SLC26A11: variants seen among roughly 807,000 people sequenced by gnomAD.
SLC26A11 encodes the protein solute carrier family 26 member 11, also known as sodium-independent sulfate anion transporter.
A neutral mutation model predicts 62.2 loss-of-function variants in SLC26A11; 58 were observed. The observed-to-expected ratio is 0.93, with a 90% confidence interval of 0.76 to 1.16. The LOEUF (loss-of-function observed/expected upper bound fraction) is 1.16, where lower values mean the gene tolerates loss of function less well. SLC26A11 is among the 50% of genes most tolerant of loss of function. The pLI is 0.00. For synonymous variants in SLC26A11, 411 were observed against 368.9 expected, an observed-to-expected ratio of 1.11 and a Z score of -1.31; for missense variants, 790 against 794.3, an observed-to-expected ratio of 0.99 and a Z score of 0.06.
intron 10 of SLC26A11, 40 bp downstream of exon 10, chr17:80,241,861 G>A: frequency 1.2e-6 from 2 of 1,610,690 alleles, no homozygotes. Context: ...CCAGCTGTGG[G>A]CCTCCAGGGT....
chr17:80,224,372 TGCGC>T (rs536804384), intron 5 of SLC26A11, among the ~76,000 whole-genome samples: 9 of 129,456 alleles, frequency 7.0e-5, no homozygotes, highest in African/African-American at 1.2e-4. Flanking sequence ...GGAGTGTGAG[TGCGC>T]GCGCGCGTGT....
intron 7 of SLC26A11, among the ~76,000 whole-genome samples, chr17:80,229,413 G>A (rs2042499570): frequency 6.6e-6 from 1 of 150,892 alleles, no homozygotes; most frequent in Admixed American, 6.6e-5. Flanking sequence ...AAAATGCTTT[G>A]TTATCTTTGT....
At position 80,227,869 on chromosome 17, in the gene SLC26A11, G is replaced by A. The variant is rs1455369378; in HGVS notation, c.645G>A (p.Leu215=). 1 of 1,603,010 alleles carries A rather than the reference G, an allele frequency of 6.2e-7. No homozygotes were observed. The highest frequency in any genetic ancestry group is 8.5e-7 in the Non-Finnish European group (1 of 1,179,850). ...TCTGCATGCTGCTGCTGCTGGTGCT[G>A]AAGCTGATGCGGGACCACGTGCCTC... The part of the protein sequence containing the change: ...GLVCMLLLLV[L]KLMRDHVPPV... Residue 215 remains leucine, a synonymous_variant, in exon 7 of 18, where the codon CTG becomes CTA. Transcript: ENST00000361193.
At chr17:80,229,851 G>A (rs1332803078) in intron 7 of SLC26A11, among the ~76,000 whole-genome samples, 2 of 152,184 alleles carry the variant, frequency 1.3e-5, no homozygotes, top group Admixed American at 6.5e-5. Flanking sequence ...CCAGATCTCC[G>A]AATCAGGATC....
chr17:80,246,945 G>A lies in SLC26A11; in HGVS notation c.1294+296G>A, dbSNP rs116545221. Among the ~76,000 whole-genome samples the A allele has an allele frequency of 0.031, 4,692 of 151,714 alleles. 276 individuals carry two copies. The highest frequency in any genetic ancestry group is 0.11 in the African/African-American group (4,451 of 41,324). On this transcript the variant is annotated intron_variant, in intron 13 of 17. Coordinates refer to ENST00000361193, the MANE Select transcript of SLC26A11 (RefSeq NM_001166347.2). The surrounding 1 kb of genome is among the most constrained non-coding windows in gnomAD (Gnocchi z 4.4). ...CCCATCCCTACCCTCCTTGCCACCCGCCTCCAGCCACCACTCTGCCCGGCC... is the reference window on the plus strand; with the variant it reads ...CCCATCCCTACCCTCCTTGCCACCCACCTCCAGCCACCACTCTGCCCGGCC...
chr17:80,224,341 G>A (rs996511154), intron 5 of SLC26A11, among the ~76,000 whole-genome samples: 4 of 148,126 alleles, frequency 2.7e-5, no homozygotes, highest in African/African-American at 5.1e-5. Context: ...GTGAGAGTGT[G>A]AGAGTGGGTG....
intron 2 of SLC26A11, 76 bp from the exon 3 acceptor site, chr17:80,221,472 C>T: frequency 2.7e-6 from 3 of 1,126,832 alleles, no homozygotes; most frequent in Non-Finnish European, 3.7e-6. Flanking sequence ...CTGACACCCG[C>T]CGACCCTGAC....
At chr17:80,241,564 T>C (rs2042860521) in intron 9 of SLC26A11, among the ~76,000 whole-genome samples, 1 of 152,200 alleles carries the variant, frequency 6.6e-6, no homozygotes, top group African/African-American at 2.4e-5. Context: ...CTGGCCTGAT[T>C]ACATGGTACT....
chr17:80,224,225 G>A (rs920966238), intron 5 of SLC26A11, among the ~76,000 whole-genome samples: 14 of 150,360 alleles, frequency 9.3e-5, no homozygotes, highest in Non-Finnish European at 1.5e-4. Context: ...GTGAGTGTGT[G>A]AGAGTGTGAG....
intron 3 of SLC26A11, 87 bp downstream of exon 3, chr17:80,221,881 G>A: frequency 7.4e-7 from 1 of 1,352,200 alleles, no homozygotes; most frequent in East Asian, 2.5e-5. Context: ...AGCGATTCCA[G>A]GTTTCCAGCC....
In SLC26A11 at chr17:80,246,557, A is replaced by G. The variant is rs113606482; in HGVS notation, c.1202A>G (p.Tyr401Cys). 24 of 1,613,640 alleles carry G rather than the reference A, an allele frequency of 1.5e-5. No homozygotes were observed. The highest frequency in any genetic ancestry group is 1.9e-5 in the Non-Finnish European group (22 of 1,180,004). ...GACTACCTGACCTCACTGTTCTACT[A>G]CATCCCCAAGTCTGCCCTGGCTGCC... ...SLDYLTSLFY[Y>C]IPKSALAAVI... Residue 401 changes from tyrosine to cysteine, a missense_variant, in exon 13 of 18, where the codon TAC becomes TGC. Physicochemically the swap from Tyr to Cys is radical, Grantham distance 194. Transcript: ENST00000361193. The surrounding 1 kb of genome is among the most constrained non-coding windows in gnomAD (Gnocchi z 4.4).
intron 9 of SLC26A11, among the ~76,000 whole-genome samples, chr17:80,238,354 T>C (rs978205190): frequency 8.5e-5 from 13 of 152,138 alleles, no homozygotes; most frequent in African/African-American, 3.1e-4. Flanking sequence ...TCCTGTATTA[T>C]CTGTTTAATT....
In SLC26A11 at chr17:80,221,651, C is replaced by T. The variant is rs1171132401; in HGVS notation, c.91C>T (p.Gln31Ter). The T allele has an allele frequency of 6.2e-7, 1 of 1,612,564 alleles. No homozygotes were observed. Among genetic ancestry groups the T allele is most frequent in the South Asian group, 1.1e-5 (1 of 91,062 alleles). The change falls in exon 3 of 18, where the codon CAG (glutamine) becomes TAG (stop). Residue 31 changes from glutamine to a stop codon, truncating the protein, a stop_gained. Coordinates refer to ENST00000361193, the MANE Select transcript of SLC26A11 (RefSeq NM_001166347.2). LOFTEE classifies it high-confidence loss of function. ...SACCCSPAAL[Q>*]RRLPILAWLP... Reference sequence around the variant, plus strand: ...CTGCTGCTGCTCCCCTGCGGCCCTGCAGAGGAGGCTGCCCATCCTGGCGTG... The same window carrying T: ...CTGCTGCTGCTCCCCTGCGGCCCTGTAGAGGAGGCTGCCCATCCTGGCGTG...
chr17:80,246,125 T>C lies in SLC26A11; in HGVS notation c.1098-29T>C. 1.2e-6 allele frequency: 2 copies of C among 1,613,054 alleles called. No homozygotes were observed. The highest frequency in any genetic ancestry group is 4.5e-5 in the East Asian group (2 of 44,870). On this transcript the variant is annotated intron_variant, in intron 11 of 17. Transcript: ENST00000361193. This position sits in a 1 kb window ranked among gnomAD's most constrained non-coding sequence, Gnocchi z 4.4. Reference sequence around the variant, plus strand: ...AGGTCTCCCTTTTCCCGGCCCCTGGTGACTGACGGTCTCTGTGTTGCCTTC... The same window carrying C: ...AGGTCTCCCTTTTCCCGGCCCCTGGCGACTGACGGTCTCTGTGTTGCCTTC...
Position 80,222,919 on chromosome 17 carries a change from C to G in SLC26A11, c.427+72C>G. ...TTGCTTGTTTGCATTTCAAGTCTAT[C>G]CCCGTGTGCGTGTGTGTGCGTGTTG... On this transcript the variant is annotated intron_variant, in intron 4 of 17. Transcript: ENST00000361193. This position sits in a 1 kb window ranked among gnomAD's most constrained non-coding sequence, Gnocchi z 4.7. 1 of 1,520,180 alleles carries G rather than the reference C, an allele frequency of 6.6e-7. No homozygotes were observed. Among genetic ancestry groups the G allele is most frequent in the Non-Finnish European group, 8.9e-7 (1 of 1,117,698 alleles). The allele number at this position is 1,520,180 out of a possible 1,614,324, so 94.2% of individuals were successfully genotyped here. A position where few individuals can be genotyped will look rare whatever the true frequency, so the allele number is the denominator to read the frequency against.
Position 80,245,221 on chromosome 17 carries a change from C to T in SLC26A11, c.1062C>T (p.Leu354=), listed in dbSNP as rs569016141. Residue 354 remains leucine, a synonymous_variant, in exon 11 of 18, where the codon CTC becomes CTT. Coordinates refer to ENST00000361193, the MANE Select transcript of SLC26A11 (RefSeq NM_001166347.2). The part of the protein sequence containing the change: ...AIGLTNMLGS[L]VSSYPVTGSF... ...GTCTCACCAACATGTTGGGCTCCCT[C>T]GTCTCCTCCTACCCGGTCACAGGCA... 28 of 1,613,960 alleles carry T rather than the reference C, an allele frequency of 1.7e-5. No individual in the cohort carries two copies. Among genetic ancestry groups the T allele is most frequent in the East Asian group, 6.7e-5 (3 of 44,854 alleles).
chr17:80,225,762 G>A, intron 5 of SLC26A11, 75 bp from the exon 6 acceptor site: 1 of 1,298,612 alleles, frequency 7.7e-7, no homozygotes, highest in Non-Finnish European at 1.1e-6. Flanking sequence ...CCTAGGGGAG[G>A]TGGGCGGGGA....
Position 80,222,990 on chromosome 17 carries a change from A to AG in SLC26A11, c.427+148dup, listed in dbSNP as rs1281006349. ...GTGTGTGTAGGTGGGTGGGTGGTGG[A>AG]GGGGGTGGGGCACTTGGCTCTTAGT... On this transcript the variant is annotated intron_variant, in intron 4 of 17. Coordinates refer to ENST00000361193, the MANE Select transcript of SLC26A11 (RefSeq NM_001166347.2). This position sits in a 1 kb window ranked among gnomAD's most constrained non-coding sequence, Gnocchi z 4.7. 2.0e-5 allele frequency: 9 copies of AG among 450,830 alleles called. No homozygotes were observed. The highest frequency in any genetic ancestry group is 1.3e-3 in the Middle Eastern group (2 of 1,544). 27.9% of individuals were successfully genotyped at this position (450,830 alleles called of 1,614,324 possible). A position where few individuals can be genotyped will look rare whatever the true frequency, so the allele number is the denominator to read the frequency against.
Position 80,223,293 on chromosome 17 carries a change from T to G in SLC26A11, c.469T>G (p.Phe157Val). ...CATTTCCTACCCCGTCATTAAAGGC[T>G]TCACCTCTGCTGCTGCCGTCACCAT... ...DFISYPVIKG[F>V]TSAAAVTIGF... The change falls in exon 5 of 18, where the codon TTC becomes GTC. Residue 157 changes from phenylalanine (F) to valine (V), a missense_variant. Physicochemically the swap from Phe to Val is conservative, Grantham distance 50. Coordinates refer to ENST00000361193, the MANE Select transcript of SLC26A11 (RefSeq NM_001166347.2). The surrounding 1 kb of genome is among the most constrained non-coding windows in gnomAD (Gnocchi z 4.6). The G allele has an allele frequency of 6.2e-7, 1 of 1,614,144 alleles. No homozygotes were observed. The highest frequency in any genetic ancestry group is 8.5e-7 in the Non-Finnish European group (1 of 1,180,018).
Sources: gnomAD v4.1 joint callset for allele counts (sites outside exome capture counted in the v4.1 genomes callset) on GRCh38, gnomAD v4.1.1 for gene constraint, Gnocchi (gnomAD v3.1) non-coding constraint, MANE v1.5 for transcripts, NCBI Gene and HGNC (gene_info 2026-07-23, HGNC 2026-07-21) for gene names.